The following DLG2 variants were observed in gnomAD, a reference collection of about 807,000 sequenced individuals.
DLG2 encodes discs large MAGUK scaffold protein 2, also known as disks large homolog 2.
DLG2 carries 45 observed loss-of-function variants against 132.5 expected under a neutral mutation model. The observed-to-expected ratio is 0.34, with a 90% confidence interval of 0.27 to 0.44. The LOEUF is 0.44. Ranked by LOEUF, DLG2 falls within the 20% of genes least tolerant of loss-of-function variation. The probability of loss-of-function intolerance (pLI) is 1.00; values close to 1 mark genes in which losing one functional copy is unlikely to be tolerated. For synonymous variants in DLG2, 424 were observed against 419.6 expected (o/e 1.01, Z -0.13); for missense variants, 1,045 against 1,196.9 (o/e 0.87, Z 1.87).
intron 6 of DLG2, among the ~76,000 whole-genome samples, chr11:84,993,046 C>T (rs2057297005): frequency 6.6e-6 from 1 of 152,194 alleles, no homozygotes; most frequent in South Asian, 2.1e-4. Flanking sequence ...CAATGATAGA[C>T]TGGATAAAGC....
intron 12 of DLG2, among the ~76,000 whole-genome samples, chr11:83,970,315 G>A (rs1565856592): frequency 6.6e-6 from 1 of 152,142 alleles, no homozygotes; most frequent in Non-Finnish European, 1.5e-5. Flanking sequence ...GAGTGACTTT[G>A]CTAACAGAGT....
At position 85,519,196 on chromosome 11, in the gene DLG2, C is replaced by A. The variant is rs185543587; in HGVS notation, c.40+79461G>T. Reference sequence around the variant, plus strand: ...AGAAGAGGACCACCATCCTCCAGATCCCAGAATGGTAGATCCACTGACAGC... The same window carrying A: ...AGAAGAGGACCACCATCCTCCAGATACCAGAATGGTAGATCCACTGACAGC... On this transcript the variant is annotated intron_variant, in intron 3 of 27. Transcript: ENST00000376104. Among the ~76,000 whole-genome samples, 534 of 152,272 alleles carry A rather than the reference C, an allele frequency of 3.5e-3. 4 individuals carry two copies. Among genetic ancestry groups the A allele is most frequent in the African/African-American group, 0.012 (480 of 41,558 alleles).
intron 19 of DLG2, among the ~76,000 whole-genome samples, chr11:83,625,092 G>A (rs976157482): frequency 5.9e-5 from 9 of 152,178 alleles, no homozygotes; most frequent in African/African-American, 7.2e-5. Flanking sequence ...AGAATTATGA[G>A]GAAATGAATG....
intron 3 of DLG2, among the ~76,000 whole-genome samples, chr11:85,300,142 T>C (rs1596055036): frequency 6.6e-6 from 1 of 152,076 alleles, no homozygotes; most frequent in East Asian, 1.9e-4. Context: ...AAACTAACAG[T>C]CTAGTAGAAA....
intron 3 of DLG2, among the ~76,000 whole-genome samples, chr11:85,432,001 C>T (rs570824336): frequency 6.6e-6 from 1 of 152,342 alleles, no homozygotes. Context: ...CATCAAGTGA[C>T]ATCTCCAGGC....
intron 19 of DLG2, among the ~76,000 whole-genome samples, chr11:83,555,056 G>A (rs936123388): frequency 1.3e-5 from 2 of 152,230 alleles, no homozygotes; most frequent in Admixed American, 6.5e-5. Context: ...GGAGAGAAAT[G>A]GAAACTATTC....
chr11:84,121,238 T>C (rs1427036546), intron 9 of DLG2, among the ~76,000 whole-genome samples: 1 of 152,172 alleles, frequency 6.6e-6, no homozygotes, highest in African/African-American at 2.4e-5. Flanking sequence ...CCGCTTTGAG[T>C]CTCAGTTGTC....
chr11:84,734,237 C>T (rs1473174855), intron 6 of DLG2, among the ~76,000 whole-genome samples: 1 of 152,122 alleles, frequency 6.6e-6, no homozygotes, highest in Non-Finnish European at 1.5e-5. Context: ...GCAGTATGGC[C>T]GTTTTCATGA....
At chr11:84,748,372 T>A (rs1034156672) in intron 6 of DLG2, among the ~76,000 whole-genome samples, 1 of 152,176 alleles carries the variant, frequency 6.6e-6, no homozygotes, top group Non-Finnish European at 1.5e-5. Flanking sequence ...TTACAGGATG[T>A]GTACCAATAA....
At chr11:83,850,267 C>T (rs2059499673) in intron 16 of DLG2, among the ~76,000 whole-genome samples, 1 of 151,976 alleles carries the variant, frequency 6.6e-6, no homozygotes, top group Non-Finnish European at 1.5e-5. Flanking sequence ...GATTCTCCTG[C>T]CTCAGCCTCC....
chr11:84,052,350 G>A (rs933067343), intron 11 of DLG2, among the ~76,000 whole-genome samples: 16 of 151,656 alleles, frequency 1.1e-4, no homozygotes, highest in Non-Finnish European at 2.2e-4. Flanking sequence ...ATCTGGAATC[G>A]CTAAATATTA....
intron 7 of DLG2, among the ~76,000 whole-genome samples, chr11:84,526,810 G>A (rs1379782782): frequency 8.7e-6 from 1 of 114,988 alleles, no homozygotes; most frequent in African/African-American, 3.5e-5. Context: ...ACGGAGTCTT[G>A]CTCTGTCGCC....
At chr11:84,124,704 C>G (rs1033652159) in intron 9 of DLG2, among the ~76,000 whole-genome samples, 1 of 152,122 alleles carries the variant, frequency 6.6e-6, no homozygotes, top group African/African-American at 2.4e-5. Context: ...TATTTGATCT[C>G]TCATGGATAT....
chr11:84,313,251 G>A (rs2098310239), intron 7 of DLG2, among the ~76,000 whole-genome samples: 1 of 151,932 alleles, frequency 6.6e-6, no homozygotes, highest in Admixed American at 6.6e-5. Flanking sequence ...GAGTAGCTGG[G>A]ACTATGGTGT....
intron 6 of DLG2, among the ~76,000 whole-genome samples, chr11:84,751,328 C>A (rs1254029494): frequency 3.3e-5 from 5 of 152,088 alleles, no homozygotes; most frequent in Admixed American, 3.3e-4. Flanking sequence ...ATATCACTAT[C>A]TTCATTTTTT....
At chr11:84,911,092 T>G (rs185607736) in intron 6 of DLG2, among the ~76,000 whole-genome samples, 7 of 152,230 alleles carry the variant, frequency 4.6e-5, no homozygotes, top group Admixed American at 2.0e-4. Context: ...AATATTTTTA[T>G]AATATTCTAG....
chr11:84,974,074 C>A (rs1274653755), intron 6 of DLG2, among the ~76,000 whole-genome samples: 1 of 152,118 alleles, frequency 6.6e-6, no homozygotes, highest in Admixed American at 6.6e-5. Context: ...ACTGTTCTCC[C>A]AAACAGACCA....
At chr11:84,737,435 C>G (rs2063987055) in intron 6 of DLG2, among the ~76,000 whole-genome samples, 1 of 151,492 alleles carries the variant, frequency 6.6e-6, no homozygotes, top group Admixed American at 6.6e-5. Flanking sequence ...GCTATTTCTT[C>G]TTTAAATGTT....
intron 18 of DLG2, among the ~76,000 whole-genome samples, chr11:83,781,217 T>C (rs529245502): frequency 6.6e-6 from 1 of 152,280 alleles, no homozygotes; most frequent in East Asian, 1.9e-4. Context: ...TCTTGCCCAC[T>C]ATATATTTCT....
Sources: allele counts gnomAD v4.1 joint callset (sites outside exome capture counted in the v4.1 genomes callset), GRCh38; gene constraint gnomAD v4.1.1; transcripts MANE v1.5; gene names NCBI Gene and HGNC (gene_info 2026-07-23, HGNC 2026-07-21).